Variants in SLC25A12 observed in about 807,000 individuals in gnomAD.
SLC25A12 encodes the protein electrogenic aspartate/glutamate antiporter SLC25A12, mitochondrial.
Under a neutral mutation model 83.3 loss-of-function variants are expected in SLC25A12, and 32 were observed. The observed-to-expected ratio is 0.38, with a 90% confidence interval of 0.29 to 0.52. SLC25A12 has a LOEUF of 0.52. Among genes scored for constraint, SLC25A12 ranks in the 20% least tolerant of loss-of-function variants. SLC25A12 has a pLI of 0.84. For synonymous variants in SLC25A12, 267 were observed against 291.1 expected, an observed-to-expected ratio of 0.92 and a Z score of 0.84; for missense variants, 611 against 835.6, an observed-to-expected ratio of 0.73 and a Z score of 3.31.
At chr2:171,797,920 T>G (rs1252951385) in intron 13 of SLC25A12, among the ~76,000 whole-genome samples, 1 of 152,202 alleles carries the variant, frequency 6.6e-6, no homozygotes, top group African/African-American at 2.4e-5. Flanking sequence ...TTTGCTGAAT[T>G]TTTTTCACTC....
Position 171,813,441 on chromosome 2 carries a change from G to A in SLC25A12, c.1069C>T (p.Gln357Ter), listed in dbSNP as rs1045705214. ...IDLVKTRMQN[Q>*]RGSGSVVGEL... ...CCAACAACAGAGCCAGAGCCACGCT[G>A]GTTTTGCATTCGGGTCTTCACCAGA... Residue 357 changes from glutamine (Q) to a stop codon, truncating the protein, a stop_gained, in exon 11 of 18, where the codon CAG (glutamine) becomes TAG (stop). Transcript: ENST00000422440. LOFTEE classifies it high-confidence loss of function. 1 of 1,613,948 alleles carries A rather than the reference G, an allele frequency of 6.2e-7. No homozygotes were observed. The highest frequency in any genetic ancestry group is 8.5e-7 in the Non-Finnish European group (1 of 1,179,972).
chr2:171,858,268 T>C (rs1159175667), intron 3 of SLC25A12, among the ~76,000 whole-genome samples: 1 of 152,182 alleles, frequency 6.6e-6, no homozygotes, highest in Admixed American at 6.5e-5. Flanking sequence ...TATTTCAAAA[T>C]GTGTTAATTG....
chr2:171,815,878 ATAAAC>A (rs1415184901), intron 9 of SLC25A12, among the ~76,000 whole-genome samples: 1 of 152,074 alleles, frequency 6.6e-6, no homozygotes, highest in Non-Finnish European at 1.5e-5. Context: ...AAATGACAGA[ATAAAC>A]TAAATAAAAA....
At chr2:171,816,481 A>T (rs1294118778) in intron 9 of SLC25A12, among the ~76,000 whole-genome samples, 1 of 152,154 alleles carries the variant, frequency 6.6e-6, no homozygotes, top group Non-Finnish European at 1.5e-5. Flanking sequence ...TATTCTTTAA[A>T]TCATCTCTAC....
At chr2:171,851,394 T>C (rs1201582655) in intron 4 of SLC25A12, among the ~76,000 whole-genome samples, 2 of 151,542 alleles carry the variant, frequency 1.3e-5, no homozygotes, top group African/African-American at 4.9e-5. Context: ...TTTCACCCTG[T>C]TGGCCAGGCT....
intron 15 of SLC25A12, chr2:171,788,210 GA>G (rs200575464): frequency 3.4e-4 from 124 of 361,582 alleles, no homozygotes; most frequent in South Asian, 5.6e-4. Flanking sequence ...CTGTGAGAGA[GA>G]AAAAAAAAGT....
At chr2:171,812,621 G>GT (rs1263755986) in intron 11 of SLC25A12, among the ~76,000 whole-genome samples, 1 of 151,674 alleles carries the variant, frequency 6.6e-6, no homozygotes, top group East Asian at 1.9e-4. Context: ...AAAGACAACG[G>GT]GGGGTGGGGA....
chr2:171,876,104 T>C (rs1276787235), intron 2 of SLC25A12, among the ~76,000 whole-genome samples: 1 of 152,098 alleles, frequency 6.6e-6, no homozygotes, highest in African/African-American at 2.4e-5. Context: ...AATGCTTTAG[T>C]TGACATGTAC....
At chr2:171,849,704 C>G (rs1294300010) in intron 4 of SLC25A12, among the ~76,000 whole-genome samples, 1 of 151,436 alleles carries the variant, frequency 6.6e-6, no homozygotes, top group East Asian at 1.9e-4. Flanking sequence ...TACAGGCATC[C>G]GCCACCATGC....
chr2:171,789,799 C>CA (rs1469404948), intron 15 of SLC25A12, among the ~76,000 whole-genome samples: 4 of 151,990 alleles, frequency 2.6e-5, no homozygotes, highest in African/African-American at 9.7e-5. Flanking sequence ...GAGGCTGACA[C>CA]AGGAGAATCG....
At chr2:171,806,969 C>T (rs905537600) in intron 13 of SLC25A12, among the ~76,000 whole-genome samples, 2 of 152,168 alleles carry the variant, frequency 1.3e-5, no homozygotes, top group Non-Finnish European at 2.9e-5. Context: ...ATGGAGTATC[C>T]TATGTCCCAT....
intron 4 of SLC25A12, among the ~76,000 whole-genome samples, chr2:171,850,457 T>A (rs2105900913): frequency 6.8e-6 from 1 of 148,056 alleles, no homozygotes; most frequent in Non-Finnish European, 1.5e-5. Flanking sequence ...GCAATTCTTC[T>A]GCCTCAGCCT....
chr2:171,863,767 T>G (rs1431595534), intron 3 of SLC25A12, among the ~76,000 whole-genome samples: 1 of 152,262 alleles, frequency 6.6e-6, no homozygotes, highest in African/African-American at 2.4e-5. Context: ...TTAATAATTC[T>G]GATGAAGGAC....
chr2:171,855,106 G>C (rs1001574160), intron 4 of SLC25A12, among the ~76,000 whole-genome samples: 1 of 152,238 alleles, frequency 6.6e-6, no homozygotes, highest in African/African-American at 2.4e-5. Context: ...CAAGGTCCTT[G>C]AACTACTACA....
At chr2:171,793,506 T>C in intron 14 of SLC25A12, 121 bp downstream of exon 14, 1 of 1,017,388 alleles carries the variant, frequency 9.8e-7, no homozygotes, top group Non-Finnish European at 1.5e-6. Context: ...TCTTTTTGTT[T>C]GATTTTCTGC....
chr2:171,824,958 C>A (rs914268120), intron 9 of SLC25A12, among the ~76,000 whole-genome samples: 2 of 151,934 alleles, frequency 1.3e-5, no homozygotes, highest in Admixed American at 6.6e-5. Context: ...CACACGCCAT[C>A]ACGCCTGGCT....
intron 2 of SLC25A12, among the ~76,000 whole-genome samples, chr2:171,873,608 A>G (rs1415153378): frequency 6.6e-6 from 1 of 152,192 alleles, no homozygotes; most frequent in African/African-American, 2.4e-5. Context: ...AGAAGGTACC[A>G]AAGAATATAC....
intron 8 of SLC25A12, among the ~76,000 whole-genome samples, chr2:171,831,986 AAGG>A (rs1365269784): frequency 6.6e-6 from 1 of 152,132 alleles, no homozygotes; most frequent in Non-Finnish European, 1.5e-5. Flanking sequence ...ATGTTATATA[AAGG>A]AGCTCTAATT....
intron 2 of SLC25A12, among the ~76,000 whole-genome samples, chr2:171,875,803 C>T (rs751082390): frequency 1.3e-5 from 2 of 151,432 alleles, no homozygotes; most frequent in East Asian, 1.9e-4. Context: ...GTCCCCGCTA[C>T]TCGGGAGGCT....
Sources: gnomAD v4.1 joint callset for allele counts (sites outside exome capture counted in the v4.1 genomes callset) on GRCh38, gnomAD v4.1.1 for gene constraint, MANE v1.5 for transcripts, NCBI Gene and HGNC (gene_info 2026-07-23, HGNC 2026-07-21) for gene names.